The following TANC1 variants were observed in gnomAD, a reference collection of about 807,000 sequenced individuals.
The protein encoded by TANC1 is tetratricopeptide repeat, ankyrin repeat and coiled-coil containing 1, also known as protein TANC1.
Under a neutral mutation model 149.7 loss-of-function variants are expected in TANC1, and 77 were observed. The ratio of observed to expected loss-of-function variants is 0.51; its 90% CI spans 0.43 to 0.62. TANC1 has a LOEUF of 0.62. Ranked by LOEUF, TANC1 falls within the 20% of genes least tolerant of loss-of-function variation. The pLI, the probability that TANC1 is intolerant of heterozygous loss-of-function variation, is 0.00. For synonymous variants in TANC1, 854 were observed against 925.0 expected, an observed-to-expected ratio of 0.92 and a Z score of 1.39; for missense variants, 1,985 against 2,321.8, an observed-to-expected ratio of 0.85 and a Z score of 2.98.
At chr2:159,221,642 C>G (rs1290647120) in intron 22 of TANC1, among the ~76,000 whole-genome samples, 1 of 152,176 alleles carries the variant, frequency 6.6e-6, no homozygotes, top group Non-Finnish European at 1.5e-5. Flanking sequence ...TCAGCTTCAT[C>G]CATGTTGTGG....
intron 2 of TANC1, among the ~76,000 whole-genome samples, chr2:159,015,066 G>A (rs2038130820): frequency 6.6e-6 from 1 of 152,194 alleles, no homozygotes; most frequent in Admixed American, 6.5e-5. Flanking sequence ...TTTGTGTGGG[G>A]GCTCTGACCC....
chr2:159,172,774 A>G (rs983831494), intron 11 of TANC1, among the ~76,000 whole-genome samples: 1 of 152,194 alleles, frequency 6.6e-6, no homozygotes, highest in Non-Finnish European at 1.5e-5. Context: ...TCTTCTGCTT[A>G]GCACCCATCA....
intron 1 of TANC1, among the ~76,000 whole-genome samples, chr2:158,985,203 T>C (rs931204092): frequency 1.3e-5 from 2 of 152,114 alleles, no homozygotes; most frequent in Admixed American, 6.6e-5. Flanking sequence ...AAGGTGAAGG[T>C]GCATTAGCTC....
intron 2 of TANC1, among the ~76,000 whole-genome samples, chr2:159,053,972 G>A (rs2041659137): frequency 6.6e-6 from 1 of 152,224 alleles, no homozygotes; most frequent in African/African-American, 2.4e-5. Flanking sequence ...GTCTCTCAGT[G>A]GAGGCAGGTG....
chr2:159,038,767 G>C (rs150887499), intron 2 of TANC1, among the ~76,000 whole-genome samples: 5,268 of 152,064 alleles, frequency 0.035, 121 homozygotes, highest in Non-Finnish European at 0.055. Context: ...ATTTCATTGA[G>C]GATTTTTGCA....
chr2:159,215,674 T>G (rs2059296209), intron 19 of TANC1, among the ~76,000 whole-genome samples: 1 of 152,206 alleles, frequency 6.6e-6, no homozygotes, highest in African/African-American at 2.4e-5. Context: ...GGTCCCGCCC[T>G]TGCTAATCGG....
At chr2:159,216,023 T>A (rs1214940864) in intron 19 of TANC1, among the ~76,000 whole-genome samples, 2 of 151,830 alleles carry the variant, frequency 1.3e-5, no homozygotes, top group African/African-American at 4.9e-5. Flanking sequence ...GCAAGTGGGT[T>A]GCTGGGTGGG....
chr2:159,157,175 C>T (rs2053527627), intron 7 of TANC1, among the ~76,000 whole-genome samples: 1 of 152,174 alleles, frequency 6.6e-6, no homozygotes, highest in Admixed American at 6.5e-5. Context: ...TGAAGGTTAC[C>T]ATGCAGGGTT....
chr2:158,998,307 G>C (rs1405294730), intron 1 of TANC1, among the ~76,000 whole-genome samples: 1 of 151,502 alleles, frequency 6.6e-6, no homozygotes, highest in Non-Finnish European at 1.5e-5. Flanking sequence ...CCCCCACCTA[G>C]ATTCTATAAT....
chr2:159,206,449 C>T (rs887558514), intron 19 of TANC1, among the ~76,000 whole-genome samples: 1 of 152,182 alleles, frequency 6.6e-6, no homozygotes. Flanking sequence ...AGCATGTCCC[C>T]GCCCTGTAGG....
intron 2 of TANC1, among the ~76,000 whole-genome samples, chr2:159,031,465 G>A (rs2039775752): frequency 6.6e-6 from 1 of 152,210 alleles, no homozygotes; most frequent in South Asian, 2.1e-4. Context: ...ATTCAATCAT[G>A]AGCTTGAAAA....
intron 3 of TANC1, among the ~76,000 whole-genome samples, chr2:159,094,784 GTGGGGGCCAGCC>G (rs1359896259): frequency 2.1e-5 from 3 of 144,320 alleles, no homozygotes; most frequent in East Asian, 2.3e-4. Flanking sequence ...TGGGGGGGGG[GTGGGGGCCAGCC>G]TGGGGGCCAC....
At chr2:159,056,063 G>T in intron 2 of TANC1, 1 of 310,144 alleles carries the variant, frequency 3.2e-6, no homozygotes, top group Non-Finnish European at 6.4e-6. Context: ...CAGTCAGACT[G>T]CATGTAGGCA....
intron 2 of TANC1, among the ~76,000 whole-genome samples, chr2:159,044,034 G>A (rs1441712886): frequency 6.6e-6 from 1 of 152,188 alleles, no homozygotes; most frequent in African/African-American, 2.4e-5. Flanking sequence ...CTTCCCCTGG[G>A]TTTCAAGGAG....
intron 3 of TANC1, among the ~76,000 whole-genome samples, chr2:159,096,274 A>T (rs1027902393): frequency 6.7e-6 from 1 of 149,126 alleles, no homozygotes. Flanking sequence ...TGTTATCTGA[A>T]TACATGAGGA....
chr2:159,145,786 G>T (rs2052007469), intron 5 of TANC1, among the ~76,000 whole-genome samples: 1 of 152,084 alleles, frequency 6.6e-6, no homozygotes, highest in East Asian at 1.9e-4. Flanking sequence ...TGTGCTGCTG[G>T]GGGGAGTATT....
At chr2:159,060,764 A>G (rs2042178244) in intron 2 of TANC1, among the ~76,000 whole-genome samples, 1 of 152,190 alleles carries the variant, frequency 6.6e-6, no homozygotes, top group Non-Finnish European at 1.5e-5. Context: ...ACTCCAGAAG[A>G]GAAACGTTTT....
At chr2:159,098,995 C>T (rs541296600) in intron 4 of TANC1, among the ~76,000 whole-genome samples, 34 of 152,154 alleles carry the variant, frequency 2.2e-4, no homozygotes, top group African/African-American at 7.9e-4. Context: ...CTCTGATTTC[C>T]TGGTAATATT....
chr2:159,039,189 T>C (rs886569654), intron 2 of TANC1, among the ~76,000 whole-genome samples: 2 of 152,224 alleles, frequency 1.3e-5, no homozygotes, highest in Non-Finnish European at 2.9e-5. Flanking sequence ...GTGTGATCAT[T>C]GGTGATATCC....
Sources: allele counts gnomAD v4.1 joint callset (sites outside exome capture counted in the v4.1 genomes callset), GRCh38; gene constraint gnomAD v4.1.1; transcripts MANE v1.5; gene names NCBI Gene and HGNC (gene_info 2026-07-23, HGNC 2026-07-21).